Variants in IRAG2 observed in about 807,000 individuals in gnomAD.
IRAG2 encodes the protein inositol 1,4,5-triphosphate receptor associated 2.
A neutral mutation model predicts 69.9 loss-of-function variants in IRAG2; 45 were observed. The observed-to-expected ratio is 0.64, with a 90% CI of 0.51 to 0.83. The LOEUF is 0.83. Ranked by LOEUF, IRAG2 falls within the 40% of genes least tolerant of loss-of-function variation. The pLI is 0.00. For synonymous variants in IRAG2, 193 were observed against 202.4 expected (o/e 0.95, Z 0.40); for missense variants, 520 against 587.0 (o/e 0.89, Z 1.18).
chr12:25,083,186 T>C (rs988309737), intron 9 of IRAG2, among the ~76,000 whole-genome samples: 1 of 152,208 alleles, frequency 6.6e-6, no homozygotes, highest in Non-Finnish European at 1.5e-5. Flanking sequence ...AAAAATCCTA[T>C]TAGAAGGCCA....
chr12:25,052,188 C>CA (rs1463506023), upstream of IRAG2: 20 of 385,468 alleles, frequency 5.2e-5, no homozygotes, highest in East Asian at 7.0e-4. Flanking sequence ...ATGTCACTGA[C>CA]AGCTTGCGGT....
chr12:25,077,286 G>GAAATATATATGAA (rs56891228), intron 6 of IRAG2, among the ~76,000 whole-genome samples: 246 of 19,168 alleles, frequency 0.013, 42 homozygotes, highest in East Asian at 0.032. Context: ...AAATATATAT[G>GAAATATATATGAA]ATATATATAT....
At chr12:25,072,132 AAGG>A (rs1946378529) in intron 6 of IRAG2, among the ~76,000 whole-genome samples, 1 of 152,104 alleles carries the variant, frequency 6.6e-6, no homozygotes, top group Admixed American at 6.6e-5. Context: ...TTGAATCCGG[AAGG>A]AGGAGGTTGA....
chr12:25,048,538 C>T (rs1944816091), upstream of IRAG2, among the ~76,000 whole-genome samples: 1 of 152,064 alleles, frequency 6.6e-6, no homozygotes, highest in South Asian at 2.1e-4. Flanking sequence ...CTCAAGCAAT[C>T]CACCCGCCTC....
intron 14 of IRAG2, among the ~76,000 whole-genome samples, chr12:25,036,022 T>C (rs955657248): frequency 1.3e-5 from 2 of 152,226 alleles, no homozygotes; most frequent in African/African-American, 4.8e-5. Flanking sequence ...GAGGTTATTT[T>C]TTCCTGTGAG....
chr12:25,087,986 G>A (rs1947756308), intron 10 of IRAG2, 114 bp from the exon 11 acceptor site: 1 of 722,146 alleles, frequency 1.4e-6, no homozygotes, highest in African/African-American at 1.8e-5. Context: ...GTTGGGGACT[G>A]CTGTTATAGA....
chr12:25,025,641 G>A (rs146887479), intron 8 of IRAG2, among the ~76,000 whole-genome samples: 38 of 152,258 alleles, frequency 2.5e-4, no homozygotes, highest in African/African-American at 8.4e-4. Flanking sequence ...CCATTGTAGC[G>A]GGGCAAGAGA....
chr12:25,108,123 TA>T lies in IRAG2; in HGVS notation c.*64del, dbSNP rs1949345804. ...GTTTCAGTATCTGAACTTCGTAAATTAGTAACTTTTAGCTGGGAAAGTATAG... is the reference window on the plus strand; with the variant it reads ...GTTTCAGTATCTGAACTTCGTAAATTGTAACTTTTAGCTGGGAAAGTATAG... On this transcript the variant is annotated 3_prime_UTR_variant, in exon 22 of 22. Coordinates refer to ENST00000556887, the MANE Select transcript of IRAG2 (RefSeq NM_001366544.2). 2 of 1,552,160 alleles carry T rather than the reference TA, an allele frequency of 1.3e-6. No homozygotes were observed. The highest frequency in any genetic ancestry group is 8.8e-7 in the Non-Finnish European group (1 of 1,142,370).
chr12:25,029,258 A>T (rs761432891), intron 9 of IRAG2, among the ~76,000 whole-genome samples: 2 of 152,174 alleles, frequency 1.3e-5, no homozygotes, highest in East Asian at 3.8e-4. Context: ...TTAATTCTAC[A>T]CTAGGAGTGG....
chr12:25,010,092 A>T (rs1398109830), intron 2 of IRAG2, among the ~76,000 whole-genome samples: 1 of 152,240 alleles, frequency 6.6e-6, no homozygotes, highest in Non-Finnish European at 1.5e-5. Flanking sequence ...TTTTGATATG[A>T]CAGAGGGCTT....
chr12:25,076,170 T>C (rs968126250), intron 6 of IRAG2, among the ~76,000 whole-genome samples: 1 of 152,118 alleles, frequency 6.6e-6, no homozygotes, highest in African/African-American at 2.4e-5. Flanking sequence ...GATTGGGATA[T>C]GTTGTATATT....
At chr12:25,078,788 A>G (rs751768797) in intron 6 of IRAG2, among the ~76,000 whole-genome samples, 1 of 152,186 alleles carries the variant, frequency 6.6e-6, no homozygotes, top group Non-Finnish European at 1.5e-5. Context: ...TCAGATATGG[A>G]TTAAGTTTGA....
chr12:25,081,762 T>C (rs956663989), intron 9 of IRAG2, among the ~76,000 whole-genome samples: 35 of 152,216 alleles, frequency 2.3e-4, no homozygotes, highest in African/African-American at 7.0e-4. Flanking sequence ...AGAATACTAA[T>C]ATGCAGGCAT....
chr12:25,044,264 A>G (rs1005617510), intron 16 of IRAG2, among the ~76,000 whole-genome samples: 4 of 152,066 alleles, frequency 2.6e-5, no homozygotes, highest in Admixed American at 2.6e-4. Flanking sequence ...GAACATACCT[A>G]TAGAGCAGAC....
At chr12:25,014,167 G>T (rs927190920) in intron 3 of IRAG2, among the ~76,000 whole-genome samples, 2 of 151,564 alleles carry the variant, frequency 1.3e-5, no homozygotes, top group Admixed American at 1.3e-4. Flanking sequence ...GAGCCACCAG[G>T]CCCGGCCTAA....
chr12:25,033,210 C>T (rs1466439835), intron 12 of IRAG2, among the ~76,000 whole-genome samples: 1 of 152,140 alleles, frequency 6.6e-6, no homozygotes, highest in Non-Finnish European at 1.5e-5. Flanking sequence ...CTGCCTCGGC[C>T]TCTCAAAGTG....
chr12:25,082,078 A>C (rs1947254911), intron 9 of IRAG2, among the ~76,000 whole-genome samples: 3 of 152,102 alleles, frequency 2.0e-5, no homozygotes. Flanking sequence ...AAAAATTGTG[A>C]AGATGGGGTC....
At chr12:25,106,658 T>TTGGCTAATA (rs1405721863) in intron 20 of IRAG2, among the ~76,000 whole-genome samples, 2 of 143,120 alleles carry the variant, frequency 1.4e-5, no homozygotes, top group East Asian at 3.9e-4. Context: ...TTGTATATAC[T>TTGGCTAATA]TGGCTAATAT....
intron 16 of IRAG2, among the ~76,000 whole-genome samples, chr12:25,043,175 CA>C (rs1944764517): frequency 6.6e-6 from 1 of 152,108 alleles, no homozygotes; most frequent in South Asian, 2.1e-4. Flanking sequence ...AGAGTGAATC[CA>C]GCTTCATCAA....
Sources: allele counts gnomAD v4.1 joint callset (sites outside exome capture counted in the v4.1 genomes callset), GRCh38; gene constraint gnomAD v4.1.1; transcripts MANE v1.5; gene names NCBI Gene and HGNC (gene_info 2026-07-23, HGNC 2026-07-21).